Variants in LRFN5 observed in about 807,000 individuals in gnomAD.
LRFN5 encodes the protein leucine-rich repeat and fibronectin type-III domain-containing protein 5.
LRFN5 carries 24 observed loss-of-function variants against 45.6 expected under a neutral mutation model. The ratio of observed to expected loss-of-function variants is 0.53; its 90% CI spans 0.38 to 0.74. The LOEUF is 0.74. LRFN5 is among the 30% of genes least tolerant of loss of function. LRFN5 has a pLI of 0.00. For synonymous variants in LRFN5, 340 were observed against 313.8 expected, an observed-to-expected ratio of 1.08 and a Z score of -0.88; for missense variants, 776 against 861.5, an observed-to-expected ratio of 0.90 and a Z score of 1.24.
chr14:41,750,645 C>G (rs1885092488), intron 1 of LRFN5, among the ~76,000 whole-genome samples: 1 of 152,042 alleles, frequency 6.6e-6, no homozygotes. Flanking sequence ...CATTTTCAAA[C>G]TGCTGTAAGG....
At position 41,608,115 on chromosome 14, in the gene LRFN5, C is replaced by A; in HGVS notation, c.-644C>A. 1 of 152,212 alleles carries A rather than the reference C, an allele frequency of 6.6e-6. No homozygotes were observed. Among genetic ancestry groups the A allele is most frequent in the Non-Finnish European group, 1.5e-5 (1 of 68,140 alleles). The allele number at this position is 152,212 out of a possible 1,614,324, so 9.4% of individuals were successfully genotyped here. On this transcript the variant is annotated 5_prime_UTR_variant, in exon 1 of 6. It introduces an in-frame stop codon into an upstream open reading frame of the 5' UTR. Transcript: ENST00000298119. ...CTATGCGAGAACGCTCTCTTTGCTGCCCGCGGTCCGGTGGGCTTCGAAGCC... is the reference window on the plus strand; with the variant it reads ...CTATGCGAGAACGCTCTCTTTGCTGACCGCGGTCCGGTGGGCTTCGAAGCC...
At chr14:41,847,190 T>A (rs577606134) in intron 2 of LRFN5, among the ~76,000 whole-genome samples, 149 of 152,236 alleles carry the variant, frequency 9.8e-4, no homozygotes, top group African/African-American at 3.4e-3. Context: ...TTCTGCTCCA[T>A]GAGGTTAGTA....
At chr14:41,871,352 C>G (rs1238094859) in intron 2 of LRFN5, among the ~76,000 whole-genome samples, 1 of 152,042 alleles carries the variant, frequency 6.6e-6, no homozygotes, top group Non-Finnish European at 1.5e-5. Flanking sequence ...ACTTGGGAGG[C>G]CAAGGCAGGT....
rs374948172 is a variant in LRFN5 at position 41,751,030 on chromosome 14, T to G, written c.-196-15824T>G. 3.5e-4 allele frequency among the ~76,000 whole-genome samples: 53 copies of G among 152,096 alleles called. No individual in the cohort carries two copies. In the Middle Eastern group the frequency reaches 0.01, roughly 29 times the overall value. On this transcript the variant is annotated intron_variant, in intron 1 of 5. Transcript: ENST00000298119. ...ATGTTCCCCGCCCTGTGTCCATGTG[T>G]TCTCATTGTTCACCTCCCACTTATG... is the stretch of plus-strand genomic sequence containing the variant.
chr14:41,730,831 A>G lies in LRFN5; in HGVS notation c.-196-36023A>G, dbSNP rs148557629. 8.6e-4 allele frequency among the ~76,000 whole-genome samples: 129 copies of G among 150,352 alleles called. 1 individual carries two copies. Among genetic ancestry groups the G allele is most frequent in the African/African-American group, 2.4e-3 (100 of 41,132 alleles). The stretch of plus-strand genomic sequence containing the variant: ...TTTGTTAACAAAAGATGAGAGTTTA[A>G]AAAAAAAATAGAGAATTTGAAGTTG... On this transcript the variant is annotated intron_variant, in intron 1 of 5. Transcript: ENST00000298119.
At chr14:41,812,263 G>A (rs1437122335) in intron 2 of LRFN5, among the ~76,000 whole-genome samples, 1 of 151,692 alleles carries the variant, frequency 6.6e-6, no homozygotes, top group Non-Finnish European at 1.5e-5. Context: ...ATCAAAACAG[G>A]TCTTCATTTT....
intron 4 of LRFN5, among the ~76,000 whole-genome samples, chr14:41,897,615 G>A (rs1354767996): frequency 2.0e-5 from 3 of 151,990 alleles, no homozygotes; most frequent in African/African-American, 7.2e-5. Flanking sequence ...TAAATGGACT[G>A]GCTGTCAGAG....
chr14:41,838,751 C>T (rs1005959590), intron 2 of LRFN5, among the ~76,000 whole-genome samples: 1 of 151,946 alleles, frequency 6.6e-6, no homozygotes, highest in Non-Finnish European at 1.5e-5. Flanking sequence ...TAACATGTTT[C>T]CAAAAAAATT....
At chr14:41,626,855 A>G (rs1448729861) in intron 1 of LRFN5, among the ~76,000 whole-genome samples, 2 of 152,144 alleles carry the variant, frequency 1.3e-5, no homozygotes, top group Non-Finnish European at 1.5e-5. Context: ...TAGAAAATTA[A>G]TAATAGAAAA....
chr14:41,712,711 C>T (rs1385287390), intron 1 of LRFN5, among the ~76,000 whole-genome samples: 3 of 152,106 alleles, frequency 2.0e-5, no homozygotes, highest in Non-Finnish European at 4.4e-5. Flanking sequence ...CATCTTAAAA[C>T]AGGCTATTTT....
At chr14:41,892,912 T>C in intron 4 of LRFN5, 10 of 985,282 alleles carry the variant, frequency 1.0e-5, no homozygotes, top group Non-Finnish European at 9.6e-6. Flanking sequence ...TTTTATGTTG[T>C]TCTTAATACA....
chr14:41,823,266 G>A (rs1888185645), intron 2 of LRFN5, among the ~76,000 whole-genome samples: 1 of 151,812 alleles, frequency 6.6e-6, no homozygotes, highest in South Asian at 2.1e-4. Flanking sequence ...TTATGACAGT[G>A]ACTATTAACC....
chr14:41,836,838 A>G (rs376154521), intron 2 of LRFN5, among the ~76,000 whole-genome samples: 151 of 101,680 alleles, frequency 1.5e-3, no homozygotes, highest in Middle Eastern at 4.6e-3. Flanking sequence ...GGGTATCTTA[A>G]TAGAAATTTT....
intron 1 of LRFN5, among the ~76,000 whole-genome samples, chr14:41,625,825 G>A (rs956568812): frequency 2.0e-5 from 3 of 152,058 alleles, no homozygotes; most frequent in Non-Finnish European, 4.4e-5. Context: ...TACAGCCTAA[G>A]TATTCATCAA....
chr14:41,709,920 C>G (rs1232830660), intron 1 of LRFN5, among the ~76,000 whole-genome samples: 1 of 151,624 alleles, frequency 6.6e-6, no homozygotes, highest in African/African-American at 2.4e-5. Flanking sequence ...GTAAATATAC[C>G]TAAATAAACA....
chr14:41,812,507 G>A (rs1228149783), intron 2 of LRFN5, among the ~76,000 whole-genome samples: 3 of 151,650 alleles, frequency 2.0e-5, no homozygotes, highest in African/African-American at 7.3e-5. Flanking sequence ...CTTGGGCAAC[G>A]ATGGACAAAG....
At chr14:41,685,588 A>G (rs1882082630) in intron 1 of LRFN5, among the ~76,000 whole-genome samples, 1 of 152,090 alleles carries the variant, frequency 6.6e-6, no homozygotes, top group African/African-American at 2.4e-5. Context: ...TAAGGTTTTT[A>G]TGATTTGGGG....
At chr14:41,799,672 A>T (rs867365512) in intron 2 of LRFN5, among the ~76,000 whole-genome samples, 2 of 152,018 alleles carry the variant, frequency 1.3e-5, no homozygotes, top group Middle Eastern at 3.4e-3. Flanking sequence ...ATCACTGTGG[A>T]TAATTTTCTT....
chr14:41,672,678 T>C (rs1434818197), intron 1 of LRFN5, among the ~76,000 whole-genome samples: 1 of 152,234 alleles, frequency 6.6e-6, no homozygotes, highest in Non-Finnish European at 1.5e-5. Flanking sequence ...TCTCTGTTTT[T>C]ACATGAAACT....
Sources: allele counts gnomAD v4.1 joint callset (sites outside exome capture counted in the v4.1 genomes callset), GRCh38; gene constraint gnomAD v4.1.1; transcripts MANE v1.5; gene names NCBI Gene and HGNC (gene_info 2026-07-23, HGNC 2026-07-21).